Variants in HOMER2 observed in about 807,000 individuals in gnomAD.
The protein encoded by HOMER2 is homer protein homolog 2.
HOMER2 carries 27 observed loss-of-function variants against 47.0 expected under a neutral mutation model. The ratio of observed to expected loss-of-function variants is 0.57; its 90% CI spans 0.42 to 0.79. HOMER2 has a LOEUF of 0.79. Among genes scored for constraint, HOMER2 ranks in the 30% least tolerant of loss-of-function variants. HOMER2 has a pLI of 0.00. For missense variants in HOMER2, 443 were observed against 435.0 expected (o/e 1.02, Z -0.16); for synonymous variants, 161 against 163.8 (o/e 0.98, Z 0.13).
rs144625777 is a variant in HOMER2, at chr15:82,890,995, CTACT to C, written c.162+1686_162+1689del. 7.5e-3 allele frequency among the ~76,000 whole-genome samples: 1,145 copies of C among 152,246 alleles called. 8 individuals carry two copies. Among genetic ancestry groups the C allele is most frequent in the African/African-American group, 0.026 (1,078 of 41,542 alleles). ...CCCCCATCAAACACGAGGTGCCTAC[CTACT>C]ATGTGCCAGGCACTAGCACACTTCC... On this transcript the variant is annotated intron_variant, in intron 2 of 8. Coordinates refer to ENST00000450735, the MANE Select transcript of HOMER2 (RefSeq NM_004839.4).
intron 1 of HOMER2, among the ~76,000 whole-genome samples, chr15:82,917,136 C>T (rs183889810): frequency 5.3e-4 from 80 of 152,298 alleles, no homozygotes; most frequent in African/African-American, 1.6e-3. Flanking sequence ...TTTTTTCTAA[C>T]TCACAGTTAA....
intron 1 of HOMER2, among the ~76,000 whole-genome samples, chr15:82,916,553 G>C (rs767992226): frequency 1.7e-4 from 26 of 152,190 alleles, no homozygotes; most frequent in Non-Finnish European, 2.8e-4. Context: ...AGGCAAGAGA[G>C]AGGCCAGTGT....
intron 1 of HOMER2, among the ~76,000 whole-genome samples, chr15:82,978,582 T>C (rs1396393408): frequency 8.5e-5 from 13 of 152,186 alleles, no homozygotes. Context: ...GGCAGTGATA[T>C]GGTTTGGCTG....
At chr15:82,881,283 G>A (rs147010425) in intron 2 of HOMER2, among the ~76,000 whole-genome samples, 1 of 152,340 alleles carries the variant, frequency 6.6e-6, no homozygotes, top group Non-Finnish European at 1.5e-5. Context: ...AGTTTCTCCT[G>A]TCTCCAGTCT....
At chr15:82,922,778 T>C (rs1460411980) in intron 1 of HOMER2, among the ~76,000 whole-genome samples, 1 of 152,098 alleles carries the variant, frequency 6.6e-6, no homozygotes, top group African/African-American at 2.4e-5. Flanking sequence ...TCAGCCTTTG[T>C]CTCCACCTAA....
chr15:82,874,812 T>C (rs1466626904), intron 3 of HOMER2, among the ~76,000 whole-genome samples: 1 of 152,224 alleles, frequency 6.6e-6, no homozygotes, highest in Admixed American at 6.5e-5. Context: ...TTCATCAAGA[T>C]GCATTCTTGG....
At chr15:82,884,676 C>T (rs1176565499) in intron 2 of HOMER2, among the ~76,000 whole-genome samples, 2 of 78,492 alleles carry the variant, frequency 2.5e-5, no homozygotes, top group Non-Finnish European at 4.6e-5. Context: ...TGGGAGTTCA[C>T]CCATGATCTG....
chr15:82,904,517 A>G (rs1268430666), intron 1 of HOMER2, among the ~76,000 whole-genome samples: 1 of 152,168 alleles, frequency 6.6e-6, no homozygotes. Flanking sequence ...GAATGCAGCC[A>G]TTTTAAAATA....
intron 4 of HOMER2, among the ~76,000 whole-genome samples, chr15:82,863,235 C>A (rs2051852153): frequency 6.6e-6 from 1 of 152,130 alleles, no homozygotes; most frequent in Non-Finnish European, 1.5e-5. Context: ...CCTTCACAGC[C>A]CCCTCGACAA....
intron 1 of HOMER2, among the ~76,000 whole-genome samples, chr15:82,976,903 T>C (rs2030225384): frequency 4.6e-5 from 7 of 152,072 alleles, no homozygotes; most frequent in Admixed American, 3.9e-4. Flanking sequence ...CTCAAGCTCC[T>C]GACCTCAGGT....
chr15:82,951,975 C>T, intron 1 of HOMER2: 7 of 776,188 alleles, frequency 9.0e-6, no homozygotes, highest in Non-Finnish European at 1.1e-5. Context: ...CCCTCCTGAG[C>T]ATCTACTCAG....
intron 1 of HOMER2, among the ~76,000 whole-genome samples, chr15:82,932,075 C>A (rs1028831702): frequency 6.6e-6 from 1 of 152,176 alleles, no homozygotes; most frequent in East Asian, 1.9e-4. Flanking sequence ...AAACCCAGGC[C>A]TGGGGGGCCT....
chr15:82,946,030 C>T (rs1218380963), intron 1 of HOMER2, among the ~76,000 whole-genome samples: 1 of 151,756 alleles, frequency 6.6e-6, no homozygotes, highest in African/African-American at 2.4e-5. Context: ...AAGGGTAGGG[C>T]CATCACACTG....
Position 82,854,789 on chromosome 15 carries a change from A to G in HOMER2, c.506T>C (p.Val169Ala), listed in dbSNP as rs1210120556. The G allele has an allele frequency of 3.1e-6, 5 of 1,609,112 alleles. No individual in the cohort carries two copies. The South Asian group carries it at 4.4e-5, about 14-fold the overall frequency. ...KIALTQSAANVKKWEIELQTL... is the reference protein window; with the variant it reads ...KIALTQSAANAKKWEIELQTL... ...CTGCAGCTCGATCTCCCACTTCTTCACGTTGGCTGCGCTGCAGGACAGGGA... is the reference window on the plus strand; with the variant it reads ...CTGCAGCTCGATCTCCCACTTCTTCGCGTTGGCTGCGCTGCAGGACAGGGA... The change falls in exon 6 of 9, where the codon GTG (valine) becomes GCG (alanine). Residue 169 changes from valine to alanine, a missense_variant. By Grantham distance (64) the Val-to-Ala change is moderately conservative (BLOSUM62 0). Coordinates refer to ENST00000450735, the MANE Select transcript of HOMER2 (RefSeq NM_004839.4).
intron 2 of HOMER2, among the ~76,000 whole-genome samples, chr15:82,877,360 G>A (rs1247653886): frequency 6.6e-6 from 1 of 152,068 alleles, no homozygotes; most frequent in Non-Finnish European, 1.5e-5. Context: ...AGTAGAGAAG[G>A]GGCTTCATCA....
downstream of HOMER2, chr15:82,835,068 G>A (rs17158255): frequency 0.12 from 18,019 of 151,890 alleles, 1,315 homozygotes; most frequent in South Asian, 0.33. Flanking sequence ...CAAAAGGAAC[G>A]CACCTCGTTT....
Position 82,869,813 on chromosome 15 carries a change from C to A in HOMER2, c.294+5460G>T, listed in dbSNP as rs138590918. 1.7e-4 allele frequency among the ~76,000 whole-genome samples: 26 copies of A among 152,216 alleles called. 1 individual carries two copies. The East Asian group carries it at 4.4e-3, about 26-fold the overall frequency. The stretch of plus-strand genomic sequence containing the variant: ...CCCTGAAGGATACACTGCAGTTTAA[C>A]CAATTTCCTAGTACTGGATGTTAGG... On this transcript the variant is annotated intron_variant, in intron 3 of 8. Transcript: ENST00000450735.
At chr15:82,852,518 A>C (rs2051429803) in intron 6 of HOMER2, 2 of 369,686 alleles carry the variant, frequency 5.4e-6, no homozygotes, top group Non-Finnish European at 9.6e-6. Flanking sequence ...GCCTGCCTTC[A>C]AGATGCTCTG....
At chr15:82,944,104 T>C (rs1402989055) in intron 1 of HOMER2, among the ~76,000 whole-genome samples, 1 of 152,216 alleles carries the variant, frequency 6.6e-6, no homozygotes, top group African/African-American at 2.4e-5. Flanking sequence ...CCCACAAGCA[T>C]ATTTTTATTC....
Sources: gnomAD v4.1 joint callset for allele counts (sites outside exome capture counted in the v4.1 genomes callset) on GRCh38, gnomAD v4.1.1 for gene constraint, MANE v1.5 for transcripts, NCBI Gene and HGNC (gene_info 2026-07-23, HGNC 2026-07-21) for gene names.